Variants in BCAS3 observed in about 807,000 individuals in gnomAD.
BCAS3 encodes BCAS4/BCAS3 fusion.
Under a neutral mutation model 116.1 loss-of-function variants are expected in BCAS3, and 53 were observed. The ratio of observed to expected loss-of-function variants is 0.46; its 90% confidence interval spans 0.37 to 0.57. BCAS3 has a LOEUF of 0.57. Among genes scored for constraint, BCAS3 ranks in the 20% least tolerant of loss-of-function variants. The probability of loss-of-function intolerance (pLI) is 0.00; values close to 1 mark genes in which losing one functional copy is unlikely to be tolerated. For missense variants in BCAS3, 917 were observed against 1,165.4 expected (o/e 0.79, Z 3.10); for synonymous variants, 391 against 408.2 (o/e 0.96, Z 0.51).
intron 13 of BCAS3, among the ~76,000 whole-genome samples, chr17:60,932,426 T>G (rs1470727041): frequency 6.6e-6 from 1 of 152,164 alleles, no homozygotes; most frequent in Non-Finnish European, 1.5e-5. Context: ...AAAATCAACT[T>G]ATGTCTAAAT....
intron 6 of BCAS3, among the ~76,000 whole-genome samples, chr17:60,795,233 T>A (rs2047109442): frequency 6.6e-6 from 1 of 152,208 alleles, no homozygotes; most frequent in Non-Finnish European, 1.5e-5. Flanking sequence ...GCTGTTGGTG[T>A]ATAGAAGAAC....
At chr17:61,283,285 T>G (rs1218067984) in intron 22 of BCAS3, among the ~76,000 whole-genome samples, 4 of 152,140 alleles carry the variant, frequency 2.6e-5, no homozygotes, top group African/African-American at 7.2e-5. Context: ...GTTAGCTTCA[T>G]CCACCAGACA....
At chr17:60,845,499 G>A (rs1387416789) in intron 7 of BCAS3, among the ~76,000 whole-genome samples, 2 of 152,200 alleles carry the variant, frequency 1.3e-5, no homozygotes, top group Non-Finnish European at 2.9e-5. Context: ...AGTGGCCACT[G>A]CTCATTACAC....
intron 7 of BCAS3, among the ~76,000 whole-genome samples, chr17:60,830,256 T>G (rs962571050): frequency 2.0e-5 from 3 of 152,218 alleles, no homozygotes; most frequent in African/African-American, 7.2e-5. Context: ...CCCAAAGTCC[T>G]GGGATTATAG....
intron 22 of BCAS3, among the ~76,000 whole-genome samples, chr17:61,270,942 A>G (rs1033762563): frequency 1.3e-5 from 2 of 151,102 alleles, no homozygotes; most frequent in African/African-American, 4.9e-5. Flanking sequence ...TATTTTTAGT[A>G]GAGACCGGGT....
rs1303177939 is a variant in BCAS3, at chr17:61,327,817, T to C, written c.2426-40510T>C. 2.0e-5 allele frequency among the ~76,000 whole-genome samples: 3 copies of C among 152,210 alleles called. No individual in the cohort carries two copies. The highest frequency in any genetic ancestry group is 1.9e-4 in the East Asian group (1 of 5,196). On this transcript the variant is annotated intron_variant, in intron 22 of 23. Coordinates refer to ENST00000407086, the MANE Select transcript of BCAS3 (RefSeq NM_017679.5). This position sits in a 1 kb window ranked among gnomAD's most constrained non-coding sequence, Gnocchi z 5.9. ...GAGCCACTGCGCCCTGCCCAAGATC[T>C]GACTGAATAACACAAAGGTGACATC...
At chr17:61,334,061 G>C (rs1283486672) in intron 22 of BCAS3, among the ~76,000 whole-genome samples, 4 of 152,138 alleles carry the variant, frequency 2.6e-5, no homozygotes, top group African/African-American at 9.7e-5. Flanking sequence ...ACTCAGAAAG[G>C]TAATCAGACA....
chr17:60,922,033 GT>G (rs2059130239), intron 12 of BCAS3, among the ~76,000 whole-genome samples: 1 of 151,102 alleles, frequency 6.6e-6, no homozygotes, highest in Non-Finnish European at 1.5e-5. Context: ...CTATTAATAT[GT>G]ATAATTAATA....
At chr17:61,074,333 A>G (rs1200063100) in intron 19 of BCAS3, among the ~76,000 whole-genome samples, 1 of 152,106 alleles carries the variant, frequency 6.6e-6, no homozygotes, top group African/African-American at 2.4e-5. Flanking sequence ...AGGAGATAAT[A>G]TCTGGTTCAT....
intron 13 of BCAS3, among the ~76,000 whole-genome samples, chr17:60,946,295 A>G (rs2060491415): frequency 6.6e-6 from 1 of 152,208 alleles, no homozygotes; most frequent in Admixed American, 6.5e-5. Context: ...CCTGTTGTAT[A>G]AGGTCCTCAC....
chr17:60,999,380 A>T (rs910134274), intron 15 of BCAS3, among the ~76,000 whole-genome samples: 2 of 151,930 alleles, frequency 1.3e-5, no homozygotes, highest in Non-Finnish European at 2.9e-5. Flanking sequence ...TCTACTAAAG[A>T]GACAAAAAAA....
intron 23 of BCAS3, among the ~76,000 whole-genome samples, chr17:61,369,847 G>A (rs933952855): frequency 6.6e-6 from 1 of 152,256 alleles, no homozygotes; most frequent in African/African-American, 2.4e-5. Flanking sequence ...GCCTAAGTGA[G>A]GAATGTGGCT....
chr17:61,359,511 T>TC (rs1183503459), intron 22 of BCAS3, among the ~76,000 whole-genome samples: 7 of 151,490 alleles, frequency 4.6e-5, no homozygotes, highest in Non-Finnish European at 1.0e-4. Context: ...TTTTTTTTTT[T>TC]TGAGACGGAC....
At chr17:60,909,480 CT>C (rs1483788164) in intron 11 of BCAS3, among the ~76,000 whole-genome samples, 3 of 151,888 alleles carry the variant, frequency 2.0e-5, no homozygotes, top group East Asian at 1.9e-4. Context: ...TTTAATGAAA[CT>C]TTTTTTCTTA....
In BCAS3 at chr17:61,368,183, C is replaced by T; in HGVS notation, c.2426-144C>T. ...GGCATGAGCTATTTCTCCTGCGCTA[C>T]CCAGTCTGTTGGCGGCGTGCTTCCA... is the stretch of plus-strand genomic sequence containing the variant. On this transcript the variant is annotated intron_variant, in intron 22 of 23. Transcript: ENST00000407086. This position sits in a 1 kb window ranked among gnomAD's most constrained non-coding sequence, Gnocchi z 6.0. 1.2e-6 allele frequency: 1 copy of T among 800,332 alleles called. No homozygotes were observed. The highest frequency in any genetic ancestry group is 1.9e-6 in the Non-Finnish European group (1 of 515,388). The allele number at this position is 800,332 out of a possible 1,614,324, so 49.6% of individuals were successfully genotyped here. A position where few individuals can be genotyped will look rare whatever the true frequency, so the allele number is the denominator to read the frequency against.
rs1568230082 is a variant in BCAS3 at position 61,051,401 on chromosome 17, A to G, written c.2029+10509A>G. 6.7e-6 allele frequency among the ~76,000 whole-genome samples: 1 copy of G among 149,402 alleles called. No homozygotes were observed. The highest frequency in any genetic ancestry group is 1.5e-5 in the Non-Finnish European group (1 of 66,452). On this transcript the variant is annotated intron_variant, in intron 19 of 23. Coordinates refer to ENST00000407086, the MANE Select transcript of BCAS3 (RefSeq NM_017679.5). This position sits in a 1 kb window ranked among gnomAD's most constrained non-coding sequence, Gnocchi z 4.1. ...TAGTGGAGGTTACACCAATTTACAC[A>G]TGTGATAAAATTGAATAGACCCTCA...
intron 23 of BCAS3, among the ~76,000 whole-genome samples, chr17:61,385,823 G>A (rs2059818934): frequency 6.6e-6 from 1 of 152,234 alleles, no homozygotes; most frequent in Non-Finnish European, 1.5e-5. Context: ...TTTTGGAAGA[G>A]GGTATTTGCA....
rs1442464551 is a variant in BCAS3, at chr17:60,902,605, C to G, written c.739-15C>G. The G allele has an allele frequency of 5.0e-6, 8 of 1,588,510 alleles. No homozygotes were observed. The highest frequency in any genetic ancestry group is 6.0e-6 in the Non-Finnish European group (7 of 1,157,094). The stretch of plus-strand genomic sequence containing the variant: ...TAGAAATGACGTTCTGCTTCTCTCT[C>G]TCTCTTTTTCTCAGTTGATTCGATG... On this transcript the variant is annotated splice_polypyrimidine_tract_variant and intron_variant, in intron 10 of 23. Coordinates refer to ENST00000407086, the MANE Select transcript of BCAS3 (RefSeq NM_017679.5).
At chr17:60,753,201 A>G (rs1271863323) in intron 6 of BCAS3, among the ~76,000 whole-genome samples, 1 of 152,038 alleles carries the variant, frequency 6.6e-6, no homozygotes, top group Non-Finnish European at 1.5e-5. Context: ...TTTGCTATTT[A>G]TATTCATTAA....
Sources: gnomAD v4.1 joint callset for allele counts (sites outside exome capture counted in the v4.1 genomes callset) on GRCh38, gnomAD v4.1.1 for gene constraint, Gnocchi (gnomAD v3.1) non-coding constraint, MANE v1.5 for transcripts, NCBI Gene and HGNC (gene_info 2026-07-23, HGNC 2026-07-21) for gene names.